Variants in COL6A2 observed in about 807,000 individuals in gnomAD.
COL6A2 encodes the protein collagen alpha-2(VI) chain.
Under a neutral mutation model 124.9 loss-of-function variants are expected in COL6A2, and 90 were observed. That is an observed-to-expected ratio of 0.72 (90% confidence interval 0.61 to 0.86). The LOEUF is 0.86. Ranked by LOEUF, COL6A2 falls within the 40% of genes least tolerant of loss-of-function variation. COL6A2 has a pLI of 0.00. For synonymous variants in COL6A2, 793 were observed against 618.2 expected, an observed-to-expected ratio of 1.28 and a Z score of -4.19; for missense variants, 1,607 against 1,502.5, an observed-to-expected ratio of 1.07 and a Z score of -1.15.
At chr21:46,131,476 C>T (rs781399204) in intron 27 of COL6A2, among the ~76,000 whole-genome samples, 7 of 152,228 alleles carry the variant, frequency 4.6e-5, no homozygotes, top group African/African-American at 1.2e-4. Context: ...CCGGGAGGGA[C>T]GTGGCCCAGC....
rs796856339 is a variant in COL6A2 at position 46,116,132 on chromosome 21, G to A, written c.900+79G>A. On this transcript the variant is annotated intron_variant, in intron 7 of 27. Coordinates refer to ENST00000300527, the MANE Select transcript of COL6A2 (RefSeq NM_001849.4). The surrounding 1 kb of genome is among the most constrained non-coding windows in gnomAD (Gnocchi z 4.6). ...GGCAGGCTCCCCCCAGCCCAGCCTC[G>A]GCCTCAGCCTCTACGACCCTCCCCC... The A allele has an allele frequency of 2.4e-5, 35 of 1,444,294 alleles. No homozygotes were observed. Among genetic ancestry groups the A allele is most frequent in the Non-Finnish European group, 2.9e-5 (31 of 1,051,242 alleles). 89.5% of individuals were successfully genotyped at this position (1,444,294 alleles called of 1,614,324 possible).
At chr21:46,118,938 A>AT in intron 13 of COL6A2, 92 bp from the exon 14 acceptor site, 1 of 1,102,588 alleles carries the variant, frequency 9.1e-7, no homozygotes, top group Non-Finnish European at 1.4e-6. Flanking sequence ...CCGCTGGAAG[A>AT]TAATAGGGGC....
At chr21:46,127,740 C>T (rs1568942618) in intron 27 of COL6A2, among the ~76,000 whole-genome samples, 2 of 152,094 alleles carry the variant, frequency 1.3e-5, no homozygotes, top group South Asian at 2.1e-4. Flanking sequence ...GGGCCTTCCT[C>T]TCCACTCTGG....
chr21:46,116,042 C>T lies in COL6A2; in HGVS notation c.889C>T (p.Pro297Ser). 2 of 1,595,018 alleles carry T rather than the reference C, an allele frequency of 1.3e-6. No individual in the cohort carries two copies. The highest frequency in any genetic ancestry group is 1.7e-5 in the Admixed American group (1 of 57,224). The change falls in exon 7 of 28, where the codon CCA becomes TCA. Residue 297 changes from proline to serine, a missense_variant. Pro to Ser is a moderately conservative substitution (Grantham distance 74). Around this residue, in one of 3 missense-constraint regions of COL6A2, gnomAD observed 42 missense variants for 68.7 expected, o/e 0.61. Transcript: ENST00000300527. The surrounding 1 kb of genome is among the most constrained non-coding windows in gnomAD (Gnocchi z 4.6). The stretch of plus-strand genomic sequence containing the variant: ...GGGCATCGAAGGCCCCATTGGATTC[C>T]CAGGACCCAAGGTGAGTGACCTCGG... ...DPGIEGPIGF[P>S]GPKGVPGFKG...
intron 27 of COL6A2, among the ~76,000 whole-genome samples, chr21:46,130,213 C>T (rs925748016): frequency 4.6e-5 from 7 of 152,202 alleles, no homozygotes; most frequent in Non-Finnish European, 8.8e-5. Context: ...GCCCTGATCC[C>T]GGGGTGTCTG....
At position 46,121,562 on chromosome 21, in the gene COL6A2, C is replaced by CG; in HGVS notation, c.1469dup (p.Asp491ArgfsTer4). The CG allele has an allele frequency of 6.2e-7, 1 of 1,612,818 alleles. No homozygotes were observed. The highest frequency in any genetic ancestry group is 8.5e-7 in the Non-Finnish European group (1 of 1,179,946). ...ATTTCTCTCCTGCCCTCAGGGATCT[C>CG]GGGGAGACCCCGGTGATGCAGGACC... On this transcript the variant is annotated frameshift_variant, in exon 18 of 28. Coordinates refer to ENST00000300527, the MANE Select transcript of COL6A2 (RefSeq NM_001849.4). LOFTEE classifies it high-confidence loss of function.
chr21:46,099,889 C>CTTTTTTTTT (rs869028897), intron 1 of COL6A2, among the ~76,000 whole-genome samples: 1,504 of 91,648 alleles, frequency 0.016, 139 homozygotes, highest in Non-Finnish European at 0.017. Context: ...GCAGCACTGT[C>CTTTTTTTTT]TTTTTTTTTT....
rs55933135 is a variant in COL6A2 at position 46,124,748 on chromosome 21, A to G, written c.1734+35A>G. On this transcript the variant is annotated intron_variant, in intron 22 of 27. Transcript: ENST00000300527. ...TGGCCAGTCCCCATGCCCTCCCCCCAACCTGCCAGGCCAACACACACCCAA... is the reference window on the plus strand; with the variant it reads ...TGGCCAGTCCCCATGCCCTCCCCCCGACCTGCCAGGCCAACACACACCCAA... The G allele has an allele frequency of 0.1, 165,278 of 1,607,886 alleles. 11,125 individuals carry two copies. Among genetic ancestry groups the G allele is most frequent in the African/African-American group, 0.32 (24,227 of 74,736 alleles).
intron 19 of COL6A2, 34 bp downstream of exon 19, chr21:46,122,192 G>T (rs766531850): frequency 6.2e-7 from 1 of 1,609,140 alleles, no homozygotes; most frequent in Non-Finnish European, 8.5e-7. Context: ...GCTCCCAGGA[G>T]TGGGTGGACA....
chr21:46,120,434 C>T (rs2078545853), intron 15 of COL6A2, 81 bp from the exon 16 acceptor site: 10 of 1,200,490 alleles, frequency 8.3e-6, no homozygotes, highest in Admixed American at 6.4e-5. Flanking sequence ...TCCCCAACCC[C>T]CGGCCACACC....
intron 1 of COL6A2, among the ~76,000 whole-genome samples, chr21:46,111,001 G>C (rs2078390407): frequency 6.6e-6 from 1 of 152,210 alleles, no homozygotes; most frequent in Non-Finnish European, 1.5e-5. Context: ...CCAGGCTGGA[G>C]AGAGAGTGCC....
At chr21:46,131,624 C>G (rs920028711) in intron 27 of COL6A2, among the ~76,000 whole-genome samples, 1 of 152,164 alleles carries the variant, frequency 6.6e-6, no homozygotes, top group African/African-American at 2.4e-5. Flanking sequence ...ATTCTTGAGC[C>G]ATGAAAGGAT....
intron 4 of COL6A2, 135 bp downstream of exon 4, chr21:46,112,959 A>G: frequency 8.7e-7 from 1 of 1,151,000 alleles, no homozygotes; most frequent in Non-Finnish European, 1.3e-6. Flanking sequence ...TCCATGTTGG[A>G]CCTGAGGCCT....
chr21:46,116,673 G>A lies in COL6A2; in HGVS notation c.950G>A (p.Arg317His), dbSNP rs373782637. The A allele has an allele frequency of 2.9e-5, 47 of 1,612,956 alleles. 1 individual carries two copies. Among genetic ancestry groups the A allele is most frequent in the East Asian group, 8.9e-5 (4 of 44,902 alleles). The change falls in exon 9 of 28, where the codon CGC becomes CAC. Residue 317 changes from arginine to histidine, a missense_variant. By Grantham distance (29) the Arg-to-His change is conservative. This residue lies in a region of COL6A2 where 1,223 missense variants were observed against 1,052.2 expected (regional missense o/e 1.16). Coordinates refer to ENST00000300527, the MANE Select transcript of COL6A2 (RefSeq NM_001849.4). This position sits in a 1 kb window ranked among gnomAD's most constrained non-coding sequence, Gnocchi z 4.6. ...CAGGGTGAATTTGGAGCCGACGGTC[G>A]CAAGGTAGGCTGGCTGGGTAGGCAG... ...GEKGEFGADG[R>H]KGAPGLAGKN... is the part of the protein sequence containing the mutation.
chr21:46,099,832 A>G (rs1469217343), intron 1 of COL6A2, among the ~76,000 whole-genome samples: 1 of 149,938 alleles, frequency 6.7e-6, no homozygotes, highest in Non-Finnish European at 1.5e-5. Flanking sequence ...CAGAAACGTC[A>G]GATGCCCATC....
At chr21:46,124,859 T>A in intron 22 of COL6A2, 26 bp from the exon 23 acceptor site, 1 of 1,612,252 alleles carries the variant, frequency 6.2e-7, no homozygotes, top group Non-Finnish European at 8.5e-7. Context: ...GGCCCCAGAG[T>A]CTCAGCCTCA....
Position 46,132,114 on chromosome 21 carries a change from C to T in COL6A2, c.2622C>T (p.Asn874=), listed in dbSNP as rs138270307. ...TLARRDDDPL[N]ARVALLQFGG... ...CCCGGAGGGACGACGACCCTCTCAA[C>T]GCACGCGTGGCGCTGCTGCAGTTTG... Residue 874 remains asparagine (N), a synonymous_variant, in exon 28 of 28, where the codon AAC becomes AAT. Coordinates refer to ENST00000300527, the MANE Select transcript of COL6A2 (RefSeq NM_001849.4). 35 of 1,586,244 alleles carry T rather than the reference C, an allele frequency of 2.2e-5. No homozygotes were observed. In the Middle Eastern group the frequency reaches 6.6e-4, roughly 30 times the overall value.
At chr21:46,107,333 G>A (rs1256397074) in intron 1 of COL6A2, among the ~76,000 whole-genome samples, 2 of 151,982 alleles carry the variant, frequency 1.3e-5, no homozygotes, top group Non-Finnish European at 1.5e-5. Flanking sequence ...CTCATCAGAT[G>A]GTTTTATCTA....
chr21:46,122,375 TG>T, intron 19 of COL6A2, 120 bp from the exon 20 acceptor site: 1 of 1,385,048 alleles, frequency 7.2e-7, no homozygotes, highest in Non-Finnish European at 1.0e-6. Context: ...CGCAGCACAG[TG>T]GCCTCACCCA....
Sources: gnomAD v4.1 joint callset for allele counts (sites outside exome capture counted in the v4.1 genomes callset) on GRCh38, gnomAD v4.1.1 for gene constraint, gnomAD v4.1.1 regional missense constraint, Gnocchi (gnomAD v3.1) non-coding constraint, MANE v1.5 for transcripts, NCBI Gene and HGNC (gene_info 2026-07-23, HGNC 2026-07-21) for gene names.